Variants in CCDC102B observed in about 807,000 individuals in gnomAD.
The protein encoded by CCDC102B is coiled-coil domain-containing protein 102B.
CCDC102B carries 75 observed loss-of-function variants against 57.4 expected under a neutral mutation model. That is an observed-to-expected ratio of 1.31 (90% CI 1.08 to 1.58). The LOEUF (loss-of-function observed/expected upper bound fraction) is 1.58. CCDC102B is among the 40% of genes most tolerant of loss of function. The probability of loss-of-function intolerance (pLI) is 0.00; values close to 1 mark genes in which losing one functional copy is unlikely to be tolerated. For missense variants in CCDC102B, 636 were observed against 582.6 expected (o/e 1.09, Z -0.94); for synonymous variants, 206 against 201.9 (o/e 1.02, Z -0.17).
At chr18:68,816,416 A>C (rs1413162731) in intron 1 of CCDC102B, among the ~76,000 whole-genome samples, 1 of 151,912 alleles carries the variant, frequency 6.6e-6, no homozygotes, top group Non-Finnish European at 1.5e-5. Context: ...TTCAAAAGTT[A>C]AATCAAGTCA....
intron 1 of CCDC102B, among the ~76,000 whole-genome samples, chr18:68,813,239 C>CTAA (rs982257119): frequency 6.6e-6 from 1 of 152,146 alleles, no homozygotes; most frequent in African/African-American, 2.4e-5. Flanking sequence ...GATGGGCTTA[C>CTAA]ATTCCCTTTG....
chr18:68,953,136 A>G (rs1056405225), intron 6 of CCDC102B, among the ~76,000 whole-genome samples: 1 of 152,154 alleles, frequency 6.6e-6, no homozygotes. Context: ...CAGGATGATT[A>G]TATTTTTACA....
At chr18:68,971,729 G>T (rs2050305466) in intron 6 of CCDC102B, among the ~76,000 whole-genome samples, 1 of 152,120 alleles carries the variant, frequency 6.6e-6, no homozygotes, top group Non-Finnish European at 1.5e-5. Context: ...CATTTGGAGT[G>T]AGGTTTCTCT....
At chr18:68,764,941 G>A (rs1311257420) in intron 2 of CCDC102B, among the ~76,000 whole-genome samples, 1 of 151,712 alleles carries the variant, frequency 6.6e-6, no homozygotes, top group African/African-American at 2.4e-5. Context: ...CAGCTACCTT[G>A]GAGGCTGAGG....
chr18:68,835,960 G>A (rs1014027363), intron 1 of CCDC102B, among the ~76,000 whole-genome samples: 1 of 152,120 alleles, frequency 6.6e-6, no homozygotes, highest in Non-Finnish European at 1.5e-5. Context: ...CAGATGAAGG[G>A]CATCATGGAA....
At chr18:68,910,310 G>T (rs1204888189) in intron 6 of CCDC102B, among the ~76,000 whole-genome samples, 1 of 152,044 alleles carries the variant, frequency 6.6e-6, no homozygotes, top group Non-Finnish European at 1.5e-5. Flanking sequence ...ATAAGATGGG[G>T]AATTGGATAG....
At chr18:68,792,564 TC>T (rs2035496457) in intron 2 of CCDC102B, among the ~76,000 whole-genome samples, 1 of 152,234 alleles carries the variant, frequency 6.6e-6, no homozygotes, top group African/African-American at 2.4e-5. Context: ...CCTTAATCCA[TC>T]CCTTTAATTC....
rs200662381 is a variant in CCDC102B at position 69,024,081 on chromosome 18, CA to C, written c.1434+12986del. 2.4e-4 allele frequency among the ~76,000 whole-genome samples: 36 copies of C among 148,572 alleles called. No homozygotes were observed. In the South Asian group the frequency reaches 4.2e-3, roughly 18 times the overall value. The stretch of plus-strand genomic sequence containing the variant: ...AATTATTTCTCTAAATTTTCCTGTA[CA>C]AAAAAAAATAATAATGGGAAATACG... On this transcript the variant is annotated intron_variant, in intron 7 of 7. Coordinates refer to ENST00000360242, the MANE Select transcript of CCDC102B (RefSeq NM_024781.3).
chr18:68,864,121 T>C (rs1375533899), intron 4 of CCDC102B, among the ~76,000 whole-genome samples: 1 of 151,998 alleles, frequency 6.6e-6, no homozygotes, highest in African/African-American at 2.4e-5. Context: ...TTTTTGCCTC[T>C]CTTTATTGGT....
At chr18:68,879,934 C>T (rs1026384908) in intron 5 of CCDC102B, among the ~76,000 whole-genome samples, 3 of 152,240 alleles carry the variant, frequency 2.0e-5, no homozygotes, top group African/African-American at 7.2e-5. Context: ...CTGGCTTCAC[C>T]CAGTGGATCC....
At chr18:69,026,768 TG>T (rs1213788543) in intron 7 of CCDC102B, among the ~76,000 whole-genome samples, 2 of 152,234 alleles carry the variant, frequency 1.3e-5, no homozygotes, top group African/African-American at 4.8e-5. Context: ...CTTTTTATGC[TG>T]GGTATTCATC....
At chr18:68,928,692 A>C (rs992895283) in intron 6 of CCDC102B, among the ~76,000 whole-genome samples, 1 of 151,902 alleles carries the variant, frequency 6.6e-6, no homozygotes, top group East Asian at 1.9e-4. Context: ...AAGATATTTG[A>C]ATGTGATCTT....
chr18:68,987,347 C>G (rs1002593451), intron 6 of CCDC102B, among the ~76,000 whole-genome samples: 3 of 152,134 alleles, frequency 2.0e-5, no homozygotes, highest in African/African-American at 7.2e-5. Flanking sequence ...ATAAATGATG[C>G]TTGGATAACT....
At chr18:69,047,872 T>C (rs370865898) in intron 7 of CCDC102B, among the ~76,000 whole-genome samples, 42 of 152,032 alleles carry the variant, frequency 2.8e-4, no homozygotes, top group African/African-American at 9.7e-4. Flanking sequence ...ACTGCTCAAA[T>C]AAATCAGATA....
chr18:68,878,247 C>A (rs1375009837), intron 5 of CCDC102B, among the ~76,000 whole-genome samples: 1 of 152,114 alleles, frequency 6.6e-6, no homozygotes, highest in Non-Finnish European at 1.5e-5. Flanking sequence ...CAGGTGCGCA[C>A]CACTATGCCT....
rs1568292516 is a variant in CCDC102B, at chr18:68,857,248, T to TTTTATA, written c.936+10828_936+10829insTTATAT. 3.8e-5 allele frequency among the ~76,000 whole-genome samples: 3 copies of TTTTATA among 79,142 alleles called. 1 individual carries two copies. The highest frequency in any genetic ancestry group is 7.3e-5 in the Non-Finnish European group (3 of 40,856). 51.9% of individuals were successfully genotyped at this position (79,142 alleles called of 152,430 possible). A position where few individuals can be genotyped will look rare whatever the true frequency, so the allele number is the denominator to read the frequency against. On this transcript the variant is annotated intron_variant, in intron 4 of 7. Transcript: ENST00000360242. ...TATATTTTTATATATAAATATATAT[T>TTTTATA]TATTATTTAAATATATAAATATATA...
chr18:68,972,315 T>A (rs112906426), intron 6 of CCDC102B, among the ~76,000 whole-genome samples: 12 of 152,136 alleles, frequency 7.9e-5, no homozygotes, highest in African/African-American at 2.9e-4. Flanking sequence ...TTTTTTTCCT[T>A]TCTGGTGGAT....
intron 6 of CCDC102B, among the ~76,000 whole-genome samples, chr18:68,984,809 C>G (rs1055947838): frequency 2.0e-5 from 3 of 152,048 alleles, no homozygotes; most frequent in African/African-American, 7.2e-5. Flanking sequence ...TAAAATGTAT[C>G]ATATTTCCAG....
chr18:68,944,748 A>G (rs960778576), intron 6 of CCDC102B, among the ~76,000 whole-genome samples: 1 of 152,084 alleles, frequency 6.6e-6, no homozygotes, highest in Non-Finnish European at 1.5e-5. Context: ...TAGAACACTA[A>G]CGAGGTTAGG....
Sources: allele counts gnomAD v4.1 joint callset (sites outside exome capture counted in the v4.1 genomes callset), GRCh38; gene constraint gnomAD v4.1.1; transcripts MANE v1.5; gene names NCBI Gene and HGNC (gene_info 2026-07-23, HGNC 2026-07-21).